Variants in GPC6 observed in about 807,000 individuals in gnomAD.
GPC6 encodes glypican-6.
Under a neutral mutation model 55.2 loss-of-function variants are expected in GPC6, and 14 were observed. The ratio of observed to expected loss-of-function variants is 0.25; its 90% CI spans 0.17 to 0.40. GPC6 has a LOEUF of 0.40. GPC6 is among the 10% of genes least tolerant of loss of function. The pLI, the probability that GPC6 is intolerant of heterozygous loss-of-function variation, is 1.00. For synonymous variants in GPC6, 278 were observed against 259.6 expected (o/e 1.07, Z -0.68); for missense variants, 641 against 708.5 (o/e 0.90, Z 1.08).
intron 4 of GPC6, among the ~76,000 whole-genome samples, chr13:94,203,103 T>G (rs1412692355): frequency 6.6e-6 from 1 of 151,640 alleles, no homozygotes; most frequent in East Asian, 1.9e-4. Context: ...CACTTATGTT[T>G]TATTATTATT....
intron 1 of GPC6, among the ~76,000 whole-genome samples, chr13:93,407,326 G>A (rs1876331736): frequency 6.6e-6 from 1 of 151,952 alleles, no homozygotes; most frequent in East Asian, 1.9e-4. Context: ...TCTAGGTGGT[G>A]GGTCACATCT....
At chr13:93,462,777 C>G (rs1406204399) in intron 1 of GPC6, among the ~76,000 whole-genome samples, 1 of 151,920 alleles carries the variant, frequency 6.6e-6, no homozygotes, top group Non-Finnish European at 1.5e-5. Flanking sequence ...CAGAAGTAAT[C>G]AAGCCTACTG....
chr13:93,633,400 C>A (rs1445032142), intron 2 of GPC6, among the ~76,000 whole-genome samples: 4 of 152,112 alleles, frequency 2.6e-5, no homozygotes, highest in African/African-American at 9.7e-5. Context: ...AATCACAGCA[C>A]TTTGGGAGGC....
At chr13:93,326,434 C>T (rs374893718) in intron 1 of GPC6, among the ~76,000 whole-genome samples, 10 of 150,778 alleles carry the variant, frequency 6.6e-5, no homozygotes, top group South Asian at 6.4e-4. Flanking sequence ...TACATTCTCT[C>T]TCTGGCTACA....
At chr13:93,960,426 A>T (rs1879713512) in intron 3 of GPC6, among the ~76,000 whole-genome samples, 1 of 152,144 alleles carries the variant, frequency 6.6e-6, no homozygotes, top group African/African-American at 2.4e-5. Flanking sequence ...CTTCAAATAC[A>T]CCACAGTCAG....
intron 2 of GPC6, among the ~76,000 whole-genome samples, chr13:93,639,559 G>A (rs1879824820): frequency 6.6e-6 from 1 of 152,122 alleles, no homozygotes. Flanking sequence ...AATCCAGGTA[G>A]GAGAAGATAG....
intron 6 of GPC6, among the ~76,000 whole-genome samples, chr13:94,355,158 G>A (rs1372737934): frequency 6.6e-6 from 1 of 151,920 alleles, no homozygotes; most frequent in Admixed American, 6.6e-5. Flanking sequence ...CAAGTAGCTG[G>A]GATTACAGGC....
chr13:93,402,767 A>C (rs1876138846), intron 1 of GPC6, among the ~76,000 whole-genome samples: 2 of 152,100 alleles, frequency 1.3e-5, no homozygotes, highest in African/African-American at 4.8e-5. Context: ...TCAGTGCTTC[A>C]CATAATACAT....
chr13:93,948,055 A>G (rs911321578), intron 3 of GPC6, among the ~76,000 whole-genome samples: 2 of 152,176 alleles, frequency 1.3e-5, no homozygotes. Flanking sequence ...TAATAAGAAT[A>G]TATTTCTCAT....
chr13:94,027,403 A>C (rs1882941915), intron 3 of GPC6, among the ~76,000 whole-genome samples: 1 of 152,156 alleles, frequency 6.6e-6, no homozygotes. Context: ...ATTAAACTTT[A>C]ATAATACCTA....
At chr13:93,985,385 C>T (rs987904992) in intron 3 of GPC6, among the ~76,000 whole-genome samples, 8 of 151,154 alleles carry the variant, frequency 5.3e-5, no homozygotes, top group African/African-American at 1.5e-4. Context: ...TGCAGTGAGC[C>T]GAGATCACAC....
At chr13:93,887,549 C>G (rs1347964528) in intron 3 of GPC6, among the ~76,000 whole-genome samples, 2 of 152,004 alleles carry the variant, frequency 1.3e-5, no homozygotes, top group Non-Finnish European at 2.9e-5. Context: ...ATACTAATAC[C>G]TCTTATCAGT....
In GPC6 at chr13:94,403,219, C is replaced by A; in HGVS notation, c.*2C>A. 1 of 1,610,300 alleles carries A rather than the reference C, an allele frequency of 6.2e-7. No homozygotes were observed. The highest frequency in any genetic ancestry group is 8.5e-7 in the Non-Finnish European group (1 of 1,176,686). On this transcript the variant is annotated 3_prime_UTR_variant, in exon 9 of 9. Coordinates refer to ENST00000377047, the MANE Select transcript of GPC6 (RefSeq NM_005708.5). ...GCACTGCAGAGACTGTGCAGATAAT[C>A]TTGGGTTTTTGGTCAGATGAAACTG... is the stretch of plus-strand genomic sequence containing the variant.
chr13:93,739,953 G>A (rs1396797069), intron 2 of GPC6, among the ~76,000 whole-genome samples: 3 of 152,090 alleles, frequency 2.0e-5, no homozygotes, highest in Non-Finnish European at 2.9e-5. Context: ...GAAAGAGATC[G>A]AGAGAAGGGT....
intron 4 of GPC6, among the ~76,000 whole-genome samples, chr13:94,034,355 T>C (rs1883260490): frequency 6.6e-6 from 1 of 152,142 alleles, no homozygotes; most frequent in Admixed American, 6.5e-5. Flanking sequence ...ACTCTGCATA[T>C]GTGAAAGTGT....
At chr13:94,110,196 A>G (rs1886193652) in intron 4 of GPC6, among the ~76,000 whole-genome samples, 1 of 151,978 alleles carries the variant, frequency 6.6e-6, no homozygotes, top group Non-Finnish European at 1.5e-5. Context: ...AGCGTAGAAA[A>G]TTATTCAGAT....
intron 2 of GPC6, among the ~76,000 whole-genome samples, chr13:93,798,140 G>A (rs544353121): frequency 3.9e-5 from 6 of 152,258 alleles, no homozygotes; most frequent in Non-Finnish European, 7.4e-5. Context: ...GTAATGGCAA[G>A]GTCTAGGGTG....
chr13:93,704,702 A>G (rs573572104), intron 2 of GPC6, among the ~76,000 whole-genome samples: 1 of 152,096 alleles, frequency 6.6e-6, no homozygotes, highest in African/African-American at 2.4e-5. Context: ...CTGTTGGCAC[A>G]TGCACAATGT....
At chr13:93,969,359 T>C (rs1159268891) in intron 3 of GPC6, among the ~76,000 whole-genome samples, 2 of 152,122 alleles carry the variant, frequency 1.3e-5, no homozygotes, top group African/African-American at 4.8e-5. Flanking sequence ...TCCCTGGAAG[T>C]AGAGAAGGAA....
Sources: gnomAD v4.1 joint callset for allele counts (sites outside exome capture counted in the v4.1 genomes callset) on GRCh38, gnomAD v4.1.1 for gene constraint, MANE v1.5 for transcripts, NCBI Gene and HGNC (gene_info 2026-07-23, HGNC 2026-07-21) for gene names.